The following DDHD1 variants were observed in gnomAD, a reference collection of about 807,000 sequenced individuals.
DDHD1 encodes the protein phospholipase DDHD1.
DDHD1 carries 49 observed loss-of-function variants against 96.4 expected under a neutral mutation model. That is an observed-to-expected ratio of 0.51 (90% confidence interval 0.40 to 0.64). The LOEUF is 0.64. Ranked by LOEUF, DDHD1 falls within the 30% of genes least tolerant of loss-of-function variation. The pLI, the probability that DDHD1 is intolerant of heterozygous loss-of-function variation, is 0.00. For synonymous variants in DDHD1, 442 were observed against 446.5 expected (o/e 0.99, Z 0.13); for missense variants, 1,106 against 1,161.2 (o/e 0.95, Z 0.69).
chr14:53,054,111 G>A (rs1882836844), intron 11 of DDHD1: 1 of 206,124 alleles, frequency 4.9e-6, no homozygotes, highest in African/African-American at 2.3e-5. Flanking sequence ...AGACTGAGAA[G>A]ATCACATTAG....
Position 53,039,845 on chromosome 14 carries a change from C to G in DDHD1, c.*6923G>C, listed in dbSNP as rs917376645. On this transcript the variant is annotated 3_prime_UTR_variant, in exon 13 of 13. Transcript: ENST00000673822. ...ATCCCCTTTCTCATAAACAATGCCT[C>G]TGAAATGTCTAAGCTGTCAGACTGT... 35 of 152,218 alleles carry G rather than the reference C, an allele frequency of 2.3e-4. No individual in the cohort carries two copies. Among genetic ancestry groups the G allele is most frequent in the Admixed American group, 1.0e-3 (16 of 15,264 alleles). The allele number at this position is 152,218 out of a possible 1,614,324, so 9.4% of individuals were successfully genotyped here.
chr14:53,110,401 C>G (rs774261536), intron 1 of DDHD1, among the ~76,000 whole-genome samples: 2 of 152,238 alleles, frequency 1.3e-5, no homozygotes, highest in African/African-American at 4.8e-5. Context: ...ACTCTCTCCT[C>G]CTTAAAACCC....
intron 9 of DDHD1, among the ~76,000 whole-genome samples, chr14:53,058,057 C>T (rs899654216): frequency 1.3e-5 from 2 of 152,216 alleles, no homozygotes; most frequent in Non-Finnish European, 2.9e-5. Flanking sequence ...CCAGGCTAGT[C>T]TCGAACTTGA....
intron 1 of DDHD1, among the ~76,000 whole-genome samples, chr14:53,146,825 C>G (rs1891016490): frequency 6.6e-6 from 1 of 151,444 alleles, no homozygotes; most frequent in African/African-American, 2.4e-5. Context: ...TATACAGTAA[C>G]TATAAAAAAA....
At chr14:53,087,057 CAAAG>C (rs547227309) in intron 4 of DDHD1, among the ~76,000 whole-genome samples, 1,834 of 145,578 alleles carry the variant, frequency 0.013, 21 homozygotes, top group South Asian at 0.029. Context: ...TCGAAAGAGA[CAAAG>C]AAGGACGTTA....
In DDHD1 at chr14:53,044,560, T is replaced by C. The variant is rs1214160240; in HGVS notation, c.*2208A>G. ...ACAGTCATATAGCATGAGTTTAATT[T>C]TCCTGAGAACTAAATTAGACCTACA... On this transcript the variant is annotated 3_prime_UTR_variant, in exon 13 of 13. Coordinates refer to ENST00000673822, the MANE Select transcript of DDHD1 (RefSeq NM_001160148.2). 6.6e-6 allele frequency: 1 copy of C among 152,206 alleles called. No individual in the cohort carries two copies. The highest frequency in any genetic ancestry group is 2.4e-5 in the African/African-American group (1 of 41,458). 9.4% of individuals were successfully genotyped at this position (152,206 alleles called of 1,614,324 possible).
In DDHD1 at chr14:53,153,100, C is replaced by T. The variant is rs768846802; in HGVS notation, c.-2G>A. ...GGACCCGCGGCCCGGGTAATTCATG[C>T]TGTGGAGACGCCGCCGGCTGTCCGG... On this transcript the variant is annotated 5_prime_UTR_variant, in exon 1 of 13. Transcript: ENST00000673822. 1.9e-5 allele frequency: 26 copies of T among 1,404,880 alleles called. No homozygotes were observed. The South Asian group carries it at 3.8e-4, about 20-fold the overall frequency. 87.0% of individuals were successfully genotyped at this position (1,404,880 alleles called of 1,614,324 possible).
chr14:53,094,948 T>A lies in DDHD1; in HGVS notation c.1013-1504A>T, dbSNP rs141834589. Among the ~76,000 whole-genome samples, 426 of 152,276 alleles carry A rather than the reference T, an allele frequency of 2.8e-3. 1 individual carries two copies. Among genetic ancestry groups the A allele is most frequent in the African/African-American group, 9.8e-3 (408 of 41,560 alleles). On this transcript the variant is annotated intron_variant, in intron 2 of 12. Transcript: ENST00000673822. ...ATTCCAAACCTATTTTCTTTAGGAA[T>A]TCGTAAGCCCCAGGAGCCAGGGAAT...
chr14:53,060,350 T>G (rs1883441740), intron 8 of DDHD1, among the ~76,000 whole-genome samples: 1 of 152,188 alleles, frequency 6.6e-6, no homozygotes, highest in African/African-American at 2.4e-5. Context: ...TTCTAATACT[T>G]AAAAACCCTG....
chr14:53,051,184 G>C (rs1478379210), intron 12 of DDHD1, among the ~76,000 whole-genome samples: 1 of 149,450 alleles, frequency 6.7e-6, no homozygotes, highest in Admixed American at 6.7e-5. Flanking sequence ...TTTTGTCAAA[G>C]ACAAAATCCA....
chr14:53,105,162 T>A (rs1376571735), intron 1 of DDHD1, among the ~76,000 whole-genome samples: 3 of 152,152 alleles, frequency 2.0e-5, no homozygotes, highest in Non-Finnish European at 4.4e-5. Flanking sequence ...GGACTAGTGA[T>A]GTATTTTCTC....
At position 53,152,410 on chromosome 14, in the gene DDHD1, T is replaced by G. The variant is rs770689717; in HGVS notation, c.689A>C (p.Asp230Ala). The change falls in exon 1 of 13, where the codon GAT becomes GCT. Residue 230 changes from aspartate to alanine, a missense_variant. Around this residue, in one of 2 missense-constraint regions of DDHD1, gnomAD observed 456 missense variants for 402.4 expected, o/e 1.13. Coordinates refer to ENST00000673822, the MANE Select transcript of DDHD1 (RefSeq NM_001160148.2). ...GCAGAAGCCGCAGGCGCGGTCCTCA[T>G]CGTCATCTTCTCCGGAACTGGAGGC... is the stretch of plus-strand genomic sequence containing the variant. Reference protein sequence around the residue: ...GPASSSGEDDDEDRACGFCQS... With the variant: ...GPASSSGEDDAEDRACGFCQS... 1.9e-6 allele frequency: 3 copies of G among 1,613,712 alleles called. No homozygotes were observed. Among genetic ancestry groups the G allele is most frequent in the Non-Finnish European group, 2.5e-6 (3 of 1,179,950 alleles).
rs377600818 is a variant in DDHD1 at position 53,121,515 on chromosome 14, A to G, written c.839-17659T>C. Among the ~76,000 whole-genome samples the G allele has an allele frequency of 4.2e-4, 64 of 152,370 alleles. 2 individuals carry two copies. In the South Asian group the frequency reaches 0.013, roughly 31 times the overall value. Reference sequence around the variant, plus strand: ...ACTGTGGCACTATTTACAATAGCAAAGACTTGGAAGCAACCCAAATGCTCA... The same window carrying G: ...ACTGTGGCACTATTTACAATAGCAAGGACTTGGAAGCAACCCAAATGCTCA... On this transcript the variant is annotated intron_variant, in intron 1 of 12. Transcript: ENST00000673822.
In DDHD1 at chr14:53,042,710, GA is replaced by G. The variant is rs534606733; in HGVS notation, c.*4057del. 5.3e-5 allele frequency: 8 copies of G among 152,302 alleles called. No homozygotes were observed. In the South Asian group the frequency reaches 1.4e-3, roughly 28 times the overall value. 9.4% of individuals were successfully genotyped at this position (152,302 alleles called of 1,614,324 possible). On this transcript the variant is annotated 3_prime_UTR_variant, in exon 13 of 13. Coordinates refer to ENST00000673822, the MANE Select transcript of DDHD1 (RefSeq NM_001160148.2). ...ACCATCAGATTCCTGGCAGAGGCTT[GA>G]GGCACAGGAATGACAGCGGAATACA...
intron 1 of DDHD1, among the ~76,000 whole-genome samples, chr14:53,123,643 A>C (rs188407568): frequency 2.0e-5 from 3 of 152,334 alleles, no homozygotes; most frequent in African/African-American, 7.2e-5. Flanking sequence ...ACCAAAATGC[A>C]AGTTTTAGGA....
chr14:53,080,788 T>C (rs1885407657), intron 4 of DDHD1, among the ~76,000 whole-genome samples: 1 of 146,264 alleles, frequency 6.8e-6, no homozygotes, highest in Non-Finnish European at 1.5e-5. Context: ...TGGCTATTCA[T>C]AGGTGTGGTT....
At position 53,051,841 on chromosome 14, in the gene DDHD1, T is replaced by C. The variant is rs1401673607; in HGVS notation, c.2521+3A>G. On this transcript the variant is annotated splice_donor_region_variant and intron_variant, in intron 12 of 12. Transcript: ENST00000673822. Reference sequence around the variant, plus strand: ...TGAATGCTATTCCTGACATATACCATACCGAGGGCATTATCTTTATTCTGC... The same window carrying C: ...TGAATGCTATTCCTGACATATACCACACCGAGGGCATTATCTTTATTCTGC... 2.5e-6 allele frequency: 4 copies of C among 1,585,864 alleles called. No homozygotes were observed. The highest frequency in any genetic ancestry group is 3.5e-5 in the Admixed American group (2 of 56,996).
At chr14:53,055,569 T>A in intron 10 of DDHD1, 91 bp downstream of exon 10, 1 of 1,284,090 alleles carries the variant, frequency 7.8e-7, no homozygotes, top group Non-Finnish European at 1.1e-6. Context: ...CTGCTGGGAG[T>A]TTCCTAATAC....
At chr14:53,137,418 C>CCTGT (rs10657079) in intron 1 of DDHD1, among the ~76,000 whole-genome samples, 110,682 of 151,418 alleles carry the variant, frequency 0.73, 43,239 homozygotes, top group East Asian at 0.96. Context: ...ATGGCAAAAC[C>CCTGT]CTGTCTCTAC....
Sources: allele counts gnomAD v4.1 joint callset (sites outside exome capture counted in the v4.1 genomes callset), GRCh38; gene constraint gnomAD v4.1.1; regional missense constraint gnomAD v4.1.1; transcripts MANE v1.5; gene names NCBI Gene and HGNC (gene_info 2026-07-23, HGNC 2026-07-21).